The following ME3 variants were observed in gnomAD, a reference collection of about 807,000 sequenced individuals.
ME3 encodes malic enzyme 3.
Under a neutral mutation model 68.9 loss-of-function variants are expected in ME3, and 48 were observed. The ratio of observed to expected loss-of-function variants is 0.70; its 90% confidence interval spans 0.55 to 0.89. The LOEUF is 0.89. Among genes scored for constraint, ME3 ranks in the 40% least tolerant of loss-of-function variants. The pLI, the probability that ME3 is intolerant of heterozygous loss-of-function variation, is 0.00. For synonymous variants in ME3, 320 were observed against 318.8 expected, an observed-to-expected ratio of 1.00 and a Z score of -0.04; for missense variants, 675 against 797.4, an observed-to-expected ratio of 0.85 and a Z score of 1.85.
chr11:86,586,153 T>A (rs1958720861), intron 2 of ME3, among the ~76,000 whole-genome samples: 1 of 152,184 alleles, frequency 6.6e-6, no homozygotes, highest in Non-Finnish European at 1.5e-5. Flanking sequence ...TATTTGAGCA[T>A]GTTTAAATGC....
intron 5 of ME3, among the ~76,000 whole-genome samples, chr11:86,505,370 C>T (rs1192822008): frequency 6.6e-6 from 1 of 152,180 alleles, no homozygotes; most frequent in East Asian, 1.9e-4. Context: ...TGCCAAACTA[C>T]AGGCCCAATA....
intron 2 of ME3, among the ~76,000 whole-genome samples, chr11:86,664,109 G>C (rs1256440313): frequency 6.6e-6 from 1 of 152,196 alleles, no homozygotes; most frequent in African/African-American, 2.4e-5. Flanking sequence ...AGATGGGCCA[G>C]CTTCCCAAAG....
intron 2 of ME3, among the ~76,000 whole-genome samples, chr11:86,593,945 T>C (rs1959175940): frequency 6.8e-6 from 1 of 146,710 alleles, no homozygotes; most frequent in Non-Finnish European, 1.5e-5. Context: ...TTTTTGTTTC[T>C]GATTTTTCTT....
At chr11:86,584,548 A>G (rs1361320485) in intron 2 of ME3, among the ~76,000 whole-genome samples, 1 of 152,252 alleles carries the variant, frequency 6.6e-6, no homozygotes, top group Non-Finnish European at 1.5e-5. Context: ...AAGGATCTAA[A>G]TGTCCCTTGA....
rs150884837 is a variant in ME3, at chr11:86,488,824, C to T, written c.706-1384G>A. On this transcript the variant is annotated intron_variant, in intron 6 of 14. Transcript: ENST00000543262. ...CAGGTGGCTGCTGAGTAAACAGACA[C>T]ATTATACTGCAGGGCAGAGTGACGC... is the stretch of plus-strand genomic sequence containing the variant. 2.0e-3 allele frequency among the ~76,000 whole-genome samples: 306 copies of T among 152,282 alleles called. 4 individuals carry two copies. The highest frequency in any genetic ancestry group is 0.018 in the Admixed American group (270 of 15,300).
chr11:86,453,280 G>A (rs1490396985), intron 8 of ME3, among the ~76,000 whole-genome samples: 3 of 152,210 alleles, frequency 2.0e-5, no homozygotes, highest in East Asian at 3.9e-4. Context: ...GATTACAGGC[G>A]TTAGCCACCA....
chr11:86,492,652 C>G (rs1952072270), intron 6 of ME3, among the ~76,000 whole-genome samples: 1 of 152,190 alleles, frequency 6.6e-6, no homozygotes, highest in African/African-American at 2.4e-5. Context: ...GGCCTTTATT[C>G]AAAGTGGGTG....
intron 2 of ME3, among the ~76,000 whole-genome samples, chr11:86,659,069 T>C (rs1415963849): frequency 1.3e-5 from 2 of 152,146 alleles, no homozygotes; most frequent in Non-Finnish European, 2.9e-5. Context: ...TGTCAGTTTG[T>C]GTAATGTTTT....
chr11:86,633,636 G>A (rs897248929), intron 2 of ME3, among the ~76,000 whole-genome samples: 13 of 152,168 alleles, frequency 8.5e-5, no homozygotes, highest in Admixed American at 4.6e-4. Flanking sequence ...TCTCATGGGT[G>A]TCTTGGCTGC....
chr11:86,544,861 A>G (rs1956269479), intron 4 of ME3, among the ~76,000 whole-genome samples: 1 of 152,168 alleles, frequency 6.6e-6, no homozygotes, highest in African/African-American at 2.4e-5. Context: ...ACACAAAAAG[A>G]ATTTTTCAGG....
At chr11:86,651,879 T>C (rs1293333501) in intron 2 of ME3, among the ~76,000 whole-genome samples, 5 of 152,002 alleles carry the variant, frequency 3.3e-5, no homozygotes, top group Non-Finnish European at 7.4e-5. Flanking sequence ...ACTGAATACC[T>C]AATGCAGAGA....
At chr11:86,669,763 A>G (rs1946805364) in intron 2 of ME3, among the ~76,000 whole-genome samples, 2 of 152,220 alleles carry the variant, frequency 1.3e-5, no homozygotes, top group African/African-American at 2.4e-5. Flanking sequence ...AATTTACATC[A>G]GAGGCAAACG....
intron 7 of ME3, among the ~76,000 whole-genome samples, chr11:86,486,138 C>G (rs1280830564): frequency 6.6e-6 from 1 of 152,200 alleles, no homozygotes; most frequent in Non-Finnish European, 1.5e-5. Flanking sequence ...CCCTTTCTCC[C>G]TGTGGATGAT....
exon 15 of ME3, chr11:86,441,238 T>C: frequency 6.8e-7 from 1 of 1,472,630 alleles, no homozygotes; most frequent in Non-Finnish European, 9.0e-7. Context: ...TGGGTGTTAC[T>C]CTGGGCTTCA....
chr11:86,472,879 A>G (rs902731569), intron 7 of ME3, among the ~76,000 whole-genome samples: 5 of 152,204 alleles, frequency 3.3e-5, no homozygotes, highest in Non-Finnish European at 4.4e-5. Flanking sequence ...TTACTCATCA[A>G]GGTTGGGGAT....
chr11:86,525,344 A>G (rs1385055760), intron 4 of ME3, among the ~76,000 whole-genome samples: 1 of 152,206 alleles, frequency 6.6e-6, no homozygotes, highest in Non-Finnish European at 1.5e-5. Flanking sequence ...TGTTGACAGA[A>G]AACAGTCAAA....
At chr11:86,576,964 T>G (rs1425504612) in intron 2 of ME3, among the ~76,000 whole-genome samples, 2 of 152,212 alleles carry the variant, frequency 1.3e-5, no homozygotes, top group African/African-American at 4.8e-5. Context: ...AAGCTCATTA[T>G]GTTCCAAACC....
chr11:86,645,608 T>A (rs1594768889), intron 2 of ME3, among the ~76,000 whole-genome samples: 1 of 152,094 alleles, frequency 6.6e-6, no homozygotes, highest in South Asian at 2.1e-4. Context: ...GGGGAAAGGG[T>A]GGCTGTGGGT....
intron 2 of ME3, chr11:86,622,951 C>T (rs1483985362): frequency 6.6e-6 from 1 of 150,550 alleles, no homozygotes; most frequent in African/African-American, 2.5e-5. Flanking sequence ...GGAGAATGAC[C>T]TTGTGTAAAT....
Sources: gnomAD v4.1 joint callset for allele counts (sites outside exome capture counted in the v4.1 genomes callset) on GRCh38, gnomAD v4.1.1 for gene constraint, MANE v1.5 for transcripts, NCBI Gene and HGNC (gene_info 2026-07-23, HGNC 2026-07-21) for gene names.